Variants in TSPAN15 observed in about 807,000 individuals in gnomAD.
TSPAN15 encodes the protein tetraspanin 15.
In TSPAN15, 20 loss-of-function variants were observed where a neutral mutation model predicts 34.5. The ratio of observed to expected loss-of-function variants is 0.58; its 90% confidence interval spans 0.41 to 0.84. TSPAN15 has a LOEUF of 0.84. Ranked by LOEUF, TSPAN15 falls within the 40% of genes least tolerant of loss-of-function variation. TSPAN15 has a pLI of 0.00. For synonymous variants in TSPAN15, 155 were observed against 153.9 expected, an observed-to-expected ratio of 1.01 and a Z score of -0.05; for missense variants, 313 against 386.1, an observed-to-expected ratio of 0.81 and a Z score of 1.59.
the TSPAN15 span, among the ~76,000 whole-genome samples, chr10:69,514,626 A>G: frequency 6.6e-6 from 1 of 152,230 alleles, no homozygotes; most frequent in African/African-American, 2.4e-5. Flanking sequence ...TTATTGACAT[A>G]AAGTTGTTCA....
intron 1 of TSPAN15, among the ~76,000 whole-genome samples, chr10:69,451,978 G>A (rs77602872): frequency 0.09 from 13,642 of 152,352 alleles, 813 homozygotes; most frequent in Non-Finnish European, 0.13. Context: ...CTGGCCGGCT[G>A]GCTAGGCTGA....
intron 1 of TSPAN15, among the ~76,000 whole-genome samples, chr10:69,473,494 G>T (rs1841549218): frequency 6.6e-6 from 1 of 151,096 alleles, no homozygotes; most frequent in South Asian, 2.1e-4. Flanking sequence ...GCCCGTGGGG[G>T]CGGAGTCAGA....
At chr10:69,460,038 AG>A (rs1841215129) in intron 1 of TSPAN15, among the ~76,000 whole-genome samples, 1 of 146,714 alleles carries the variant, frequency 6.8e-6, no homozygotes, top group Non-Finnish European at 1.5e-5. Context: ...AGATGAGATG[AG>A]ATGAGATGAG....
chr10:69,469,267 C>A (rs1359284655), intron 1 of TSPAN15, among the ~76,000 whole-genome samples: 1 of 152,226 alleles, frequency 6.6e-6, no homozygotes, highest in East Asian at 1.9e-4. Context: ...TTGCCCAGTG[C>A]ATCTCCTCCC....
chr10:69,523,431 A>G, the TSPAN15 span: 2 of 565,230 alleles, frequency 3.5e-6, no homozygotes, highest in Non-Finnish European at 6.5e-6. Context: ...AGGTCATTCC[A>G]GAGGCTAGCA....
At chr10:69,511,466 T>C (rs1842414152), downstream of TSPAN15, among the ~76,000 whole-genome samples, 1 of 149,524 alleles carries the variant, frequency 6.7e-6, no homozygotes, top group African/African-American at 2.6e-5. Flanking sequence ...TTCTTTTCTC[T>C]TTTCTTCTTT....
chr10:69,547,513 TC>T, the TSPAN15 span, among the ~76,000 whole-genome samples: 1 of 152,172 alleles, frequency 6.6e-6, no homozygotes, highest in Non-Finnish European at 1.5e-5. Context: ...ATGTCTACTC[TC>T]ATAAATAGAA....
At chr10:69,518,302 A>G in the TSPAN15 span, among the ~76,000 whole-genome samples, 1 of 152,252 alleles carries the variant, frequency 6.6e-6, no homozygotes, top group African/African-American at 2.4e-5. Flanking sequence ...GAGAACACAC[A>G]AGGACAAGGG....
chr10:69,488,226 C>G (rs187930324), intron 3 of TSPAN15, among the ~76,000 whole-genome samples: 1 of 152,080 alleles, frequency 6.6e-6, no homozygotes, highest in African/African-American at 2.4e-5. Context: ...AATATCCCTT[C>G]CAACTCTAAT....
intron 3 of TSPAN15, chr10:69,495,369 T>C (rs2133138399): frequency 3.8e-6 from 2 of 532,602 alleles, no homozygotes; most frequent in East Asian, 3.2e-5. Context: ...TGCTGGGACA[T>C]AGCACAGGCA....
At chr10:69,482,175 C>T (rs1159627727) in intron 1 of TSPAN15, among the ~76,000 whole-genome samples, 1 of 152,126 alleles carries the variant, frequency 6.6e-6, no homozygotes. Context: ...TGGGGAGGAA[C>T]TTCCCATCTG....
At chr10:69,547,520 T>C in the TSPAN15 span, among the ~76,000 whole-genome samples, 2 of 152,310 alleles carry the variant, frequency 1.3e-5, no homozygotes, top group African/African-American at 4.8e-5. Flanking sequence ...CTCTCATAAA[T>C]AGAAAGTCTT....
chr10:69,464,961 C>A (rs1357686377), intron 1 of TSPAN15, among the ~76,000 whole-genome samples: 1 of 152,226 alleles, frequency 6.6e-6, no homozygotes, highest in Non-Finnish European at 1.5e-5. Context: ...AGGGTCAGAA[C>A]CCAGGCTGGG....
At chr10:69,524,075 A>T in the TSPAN15 span, among the ~76,000 whole-genome samples, 4 of 148,298 alleles carry the variant, frequency 2.7e-5, 2 homozygotes, top group Admixed American at 2.8e-4. Context: ...ATTATCTCAG[A>T]ATATAAGTAG....
At chr10:69,532,233 G>A in the TSPAN15 span, among the ~76,000 whole-genome samples, 1 of 152,108 alleles carries the variant, frequency 6.6e-6, no homozygotes, top group African/African-American at 2.4e-5. Flanking sequence ...GCAAGACTAA[G>A]CAAAAAGAAC....
chr10:69,451,810 G>C (rs1175507906), intron 1 of TSPAN15, 120 bp downstream of exon 1: 3 of 731,862 alleles, frequency 4.1e-6, no homozygotes, highest in Non-Finnish European at 5.8e-6. Context: ...GTGAGCGCGC[G>C]CGGACTCCTT....
intron 1 of TSPAN15, among the ~76,000 whole-genome samples, chr10:69,459,003 G>C (rs1436594842): frequency 6.6e-6 from 1 of 150,728 alleles, no homozygotes; most frequent in Non-Finnish European, 1.5e-5. Context: ...CCTGATAAGG[G>C]ACTGATAATG....
intron 1 of TSPAN15, among the ~76,000 whole-genome samples, chr10:69,453,471 C>T (rs911443202): frequency 3.9e-5 from 6 of 152,076 alleles, no homozygotes; most frequent in African/African-American, 1.4e-4. Context: ...TTGAAAGAGC[C>T]TAAGGTTGAT....
chr10:69,486,524 G>C (rs1221122867), intron 3 of TSPAN15, among the ~76,000 whole-genome samples: 1 of 152,110 alleles, frequency 6.6e-6, no homozygotes, highest in East Asian at 1.9e-4. Context: ...CTGCAGCCTC[G>C]AACCCCTGGG....
Sources: gnomAD v4.1 joint callset for allele counts (sites outside exome capture counted in the v4.1 genomes callset) on GRCh38, gnomAD v4.1.1 for gene constraint, MANE v1.5 for transcripts, NCBI Gene and HGNC (gene_info 2026-07-23, HGNC 2026-07-21) for gene names.